Variants in FREM3 observed in about 807,000 individuals in gnomAD.
FREM3 encodes the protein FRAS1-related extracellular matrix protein 3.
In FREM3, 105 loss-of-function variants were observed where a neutral mutation model predicts 129.1. That is an observed-to-expected ratio of 0.81 (90% confidence interval 0.69 to 0.96). FREM3 has a LOEUF of 0.96. FREM3 is among the 40% of genes least tolerant of loss of function. The pLI is 0.00. For synonymous variants in FREM3, 1,014 were observed against 1,044.9 expected (o/e 0.97, Z 0.57); for missense variants, 2,593 against 2,666.3 (o/e 0.97, Z 0.61).
rs138251026 is a variant in FREM3, at chr4:143,699,765, G to A, written c.911C>T (p.Pro304Leu). The A allele has an allele frequency of 4.4e-4, 670 of 1,529,856 alleles. No homozygotes were observed. The highest frequency in any genetic ancestry group is 5.6e-4 in the Non-Finnish European group (635 of 1,142,798). 94.8% of individuals were successfully genotyped at this position (1,529,856 alleles called of 1,614,324 possible). A position where few individuals can be genotyped will look rare whatever the true frequency, so the allele number is the denominator to read the frequency against. ...CGTGGCCATGAAGCTGGGCCTGGGCGGTGTGTTCTCGGCTCCGCCGCGGAT... is the reference window on the plus strand; with the variant it reads ...CGTGGCCATGAAGCTGGGCCTGGGCAGTGTGTTCTCGGCTCCGCCGCGGAT... ...VRIRGGAENT[P>L]PRPSFMATMM... is the part of the protein sequence containing the mutation. The change falls in exon 1 of 8, where the codon CCG becomes CTG. Residue 304 changes from proline to leucine, a missense_variant. Physicochemically the swap from Pro to Leu is moderately conservative, Grantham distance 98 (BLOSUM62 -3). Transcript: ENST00000329798. The surrounding 1 kb of genome is among the most constrained non-coding windows in gnomAD (Gnocchi z 4.2).
chr4:143,660,917 T>C (rs1739703939), intron 2 of FREM3, among the ~76,000 whole-genome samples: 2 of 152,214 alleles, frequency 1.3e-5, no homozygotes, highest in Admixed American at 1.3e-4. Flanking sequence ...ATGTTTGTGA[T>C]TTTTGTACAT....
chr4:143,647,868 C>T (rs942319378), intron 2 of FREM3, among the ~76,000 whole-genome samples: 6 of 152,134 alleles, frequency 3.9e-5, no homozygotes, highest in Non-Finnish European at 7.3e-5. Flanking sequence ...GGGGCACTGC[C>T]TGATTAAACG....
chr4:143,615,685 TGTAGGGAATATC>T (rs1242815297), intron 5 of FREM3, among the ~76,000 whole-genome samples: 1 of 149,642 alleles, frequency 6.7e-6, no homozygotes, highest in Admixed American at 6.6e-5. Context: ...TATCGTCAAG[TGTAGGGAATATC>T]GTCAAGTGTC....
chr4:143,620,974 C>A lies in FREM3; in HGVS notation c.5779+63G>T, dbSNP rs114302249. ...TGCTCACCCTCTGTGGTACTCCCAG[C>A]ATTACCACAGTCTTGTTCTCATCAT... is the stretch of plus-strand genomic sequence containing the variant. On this transcript the variant is annotated intron_variant, in intron 5 of 7. Coordinates refer to ENST00000329798, the MANE Select transcript of FREM3 (RefSeq NM_001168235.2). The A allele has an allele frequency of 6.8e-4, 1,002 of 1,466,654 alleles. 11 individuals are homozygous for A. The African/African-American group carries it at 0.013, about 19-fold the overall frequency. The allele number at this position is 1,466,654 out of a possible 1,614,324, so 90.9% of individuals were successfully genotyped here.
intron 2 of FREM3, among the ~76,000 whole-genome samples, chr4:143,650,733 C>T (rs1739495703): frequency 6.6e-6 from 1 of 152,224 alleles, no homozygotes; most frequent in Non-Finnish European, 1.5e-5. Context: ...CTTAAGCTAT[C>T]CTCCTCACTT....
intron 3 of FREM3, among the ~76,000 whole-genome samples, chr4:143,626,620 G>A (rs750480285): frequency 1.3e-5 from 2 of 152,110 alleles, no homozygotes; most frequent in African/African-American, 4.8e-5. Context: ...TCCTGGCAGC[G>A]AGTTCCACCA....
intron 2 of FREM3, among the ~76,000 whole-genome samples, chr4:143,664,140 C>T (rs1419100626): frequency 6.6e-6 from 1 of 152,108 alleles, no homozygotes; most frequent in African/African-American, 2.4e-5. Flanking sequence ...AACTGCATTC[C>T]TTTGGAGGAG....
intron 4 of FREM3, among the ~76,000 whole-genome samples, 157 bp downstream of exon 4, chr4:143,623,951 G>C (rs1381867966): frequency 6.6e-6 from 1 of 152,128 alleles, no homozygotes; most frequent in East Asian, 1.9e-4. Context: ...GAGAGCAAAT[G>C]AAAAATTATT....
intron 6 of FREM3, among the ~76,000 whole-genome samples, chr4:143,586,276 A>C (rs1578821296): frequency 6.6e-6 from 1 of 152,090 alleles, no homozygotes; most frequent in African/African-American, 2.4e-5. Context: ...CATAGAAGAG[A>C]TTTTCCTATT....
chr4:143,592,952 T>G (rs541477734), intron 6 of FREM3, among the ~76,000 whole-genome samples: 33 of 152,222 alleles, frequency 2.2e-4, no homozygotes, highest in Admixed American at 2.0e-4. Flanking sequence ...TTATTCTTTT[T>G]TCTCTAAACT....
chr4:143,691,590 T>A (rs190131578), intron 2 of FREM3, among the ~76,000 whole-genome samples: 10 of 152,360 alleles, frequency 6.6e-5, no homozygotes, highest in Admixed American at 6.5e-4. Context: ...TGCCTATTAC[T>A]TGTATGACTT....
chr4:143,625,726 G>C (rs979048210), intron 3 of FREM3, among the ~76,000 whole-genome samples: 9 of 152,196 alleles, frequency 5.9e-5, no homozygotes, highest in Admixed American at 1.3e-4. Context: ...GAGGTGCTGA[G>C]GATGTCACAC....
At position 143,700,129 on chromosome 4, in the gene FREM3, T is replaced by A; in HGVS notation, c.547A>T (p.Ser183Cys). The part of the protein sequence containing the change: ...NRPLVVEKLR[S>C]WSRAIDRRVL... ...CTCCTGTCTATGGCGCGGCTCCAGC[T>A]TCGCAGCTTCTCCACTACCAAAGGC... Residue 183 changes from serine to cysteine, a missense_variant, in exon 1 of 8, where the codon AGC (serine) becomes TGC (cysteine). By Grantham distance (112) the Ser-to-Cys change is moderately radical. Coordinates refer to ENST00000329798, the MANE Select transcript of FREM3 (RefSeq NM_001168235.2). The A allele has an allele frequency of 6.5e-7, 1 of 1,537,046 alleles. No individual in the cohort carries two copies. The highest frequency in any genetic ancestry group is 8.7e-7 in the Non-Finnish European group (1 of 1,146,900).
rs191017601 is a variant in FREM3, at chr4:143,628,899, T to C, written c.5276-1139A>G. Among the ~76,000 whole-genome samples the C allele has an allele frequency of 5.2e-4, 79 of 152,170 alleles. No homozygotes were observed. The East Asian group carries it at 0.011, about 22-fold the overall frequency. The stretch of plus-strand genomic sequence containing the variant: ...AAAGGAGTGAGTGGAGAGCGCTGCA[T>C]TGGGAAGCAGTCGAGTAGCTTTGAA... On this transcript the variant is annotated intron_variant, in intron 2 of 7. Transcript: ENST00000329798.
intron 3 of FREM3, among the ~76,000 whole-genome samples, chr4:143,626,575 CT>C (rs982895251): frequency 1.1e-4 from 16 of 152,240 alleles, no homozygotes; most frequent in Admixed American, 1.0e-3. Flanking sequence ...GAAGTAGGGC[CT>C]GACAAGAGGA....
At chr4:143,676,632 T>A (rs1740133900) in intron 2 of FREM3, among the ~76,000 whole-genome samples, 2 of 152,236 alleles carry the variant, frequency 1.3e-5, no homozygotes, top group South Asian at 4.2e-4. Flanking sequence ...TGATTGTATA[T>A]CTAGAAAACC....
At chr4:143,678,803 T>A (rs1740196275) in intron 2 of FREM3, among the ~76,000 whole-genome samples, 1 of 152,114 alleles carries the variant, frequency 6.6e-6, no homozygotes, top group African/African-American at 2.4e-5. Context: ...AAATACATAC[T>A]GTTTAAAAAG....
At chr4:143,586,268 T>C (rs1578821286) in intron 6 of FREM3, among the ~76,000 whole-genome samples, 1 of 152,172 alleles carries the variant, frequency 6.6e-6, no homozygotes, top group Non-Finnish European at 1.5e-5. Flanking sequence ...TTCCATTACA[T>C]AGAAGAGATT....
intron 2 of FREM3, among the ~76,000 whole-genome samples, chr4:143,671,018 C>T (rs941043982): frequency 1.3e-5 from 2 of 152,054 alleles, no homozygotes; most frequent in Admixed American, 6.6e-5. Context: ...CTCATAAACG[C>T]CACAATATAT....
Sources: gnomAD v4.1 joint callset for allele counts (sites outside exome capture counted in the v4.1 genomes callset) on GRCh38, gnomAD v4.1.1 for gene constraint, Gnocchi (gnomAD v3.1) non-coding constraint, MANE v1.5 for transcripts, NCBI Gene and HGNC (gene_info 2026-07-23, HGNC 2026-07-21) for gene names.